The following CNTN5 variants were observed in gnomAD, a reference collection of about 807,000 sequenced individuals.
CNTN5 encodes the protein contactin 5.
A neutral mutation model predicts 129.1 loss-of-function variants in CNTN5; 77 were observed. The observed-to-expected ratio is 0.60, with a 90% confidence interval of 0.50 to 0.72. CNTN5 has a LOEUF of 0.72. CNTN5 is among the 30% of genes least tolerant of loss of function. CNTN5 has a pLI of 0.00. For synonymous variants in CNTN5, 509 were observed against 465.6 expected (o/e 1.09, Z -1.20); for missense variants, 1,478 against 1,328.8 (o/e 1.11, Z -1.75).
chr11:99,936,469 G>A (rs1254343759), intron 7 of CNTN5, among the ~76,000 whole-genome samples: 1 of 149,874 alleles, frequency 6.7e-6, no homozygotes. Flanking sequence ...AAAGGACACT[G>A]CCTGCTACGT....
intron 1 of CNTN5, among the ~76,000 whole-genome samples, chr11:99,263,608 A>C (rs551146397): frequency 1.3e-5 from 2 of 152,054 alleles, no homozygotes; most frequent in East Asian, 3.9e-4. Context: ...AGAAAGGAAA[A>C]ATTATTTTAT....
chr11:99,861,975 A>G (rs1052995589), intron 6 of CNTN5, among the ~76,000 whole-genome samples: 1 of 152,180 alleles, frequency 6.6e-6, no homozygotes, highest in Non-Finnish European at 1.5e-5. Flanking sequence ...CTGTAATTCA[A>G]ACTTTATTAT....
At chr11:99,121,353 G>C (rs1274965594) in intron 1 of CNTN5, among the ~76,000 whole-genome samples, 1 of 151,876 alleles carries the variant, frequency 6.6e-6, no homozygotes, top group Non-Finnish European at 1.5e-5. Context: ...TAGACTGGTC[G>C]AACTCCTGAC....
At chr11:99,439,350 C>G (rs1233817075) in intron 2 of CNTN5, among the ~76,000 whole-genome samples, 1 of 151,518 alleles carries the variant, frequency 6.6e-6, no homozygotes, top group Non-Finnish European at 1.5e-5. Context: ...GAAATATGCA[C>G]TGTGAATCTA....
intron 15 of CNTN5, among the ~76,000 whole-genome samples, chr11:100,219,578 C>G (rs1949218472): frequency 6.6e-6 from 1 of 152,144 alleles, no homozygotes. Context: ...TGTTTCTCCT[C>G]TTTAATCTAT....
At chr11:99,302,126 G>T (rs990477720) in intron 1 of CNTN5, among the ~76,000 whole-genome samples, 8 of 151,224 alleles carry the variant, frequency 5.3e-5, no homozygotes, top group African/African-American at 1.9e-4. Flanking sequence ...TATTAAAAAA[G>T]ATGAAAGATC....
intron 3 of CNTN5, among the ~76,000 whole-genome samples, chr11:99,611,330 G>A (rs1950587279): frequency 6.6e-6 from 1 of 152,110 alleles, no homozygotes; most frequent in Non-Finnish European, 1.5e-5. Flanking sequence ...AAACCCACCA[G>A]TATTTAGAGA....
At chr11:99,770,981 G>T (rs10790953) in intron 3 of CNTN5, among the ~76,000 whole-genome samples, 23,369 of 151,924 alleles carry the variant, frequency 0.15, 1,891 homozygotes, top group Non-Finnish European at 0.17. Flanking sequence ...GATCCCAGAG[G>T]TAAACTCATA....
chr11:100,111,005 C>CA (rs5794036), intron 13 of CNTN5, among the ~76,000 whole-genome samples: 29,962 of 147,074 alleles, frequency 0.2, 4,353 homozygotes, highest in African/African-American at 0.43. Context: ...AGTGTTAATG[C>CA]AAAAAAAAAA....
chr11:99,219,883 C>T (rs529614017), intron 1 of CNTN5, among the ~76,000 whole-genome samples: 2 of 151,996 alleles, frequency 1.3e-5, no homozygotes, highest in African/African-American at 4.8e-5. Context: ...CTTAATTTCT[C>T]ATCTCTGCCT....
At chr11:99,535,588 T>G (rs1200556509) in intron 2 of CNTN5, among the ~76,000 whole-genome samples, 1 of 152,150 alleles carries the variant, frequency 6.6e-6, no homozygotes, top group Non-Finnish European at 1.5e-5. Context: ...GAGAATGTCT[T>G]AAAAGCTCCT....
intron 3 of CNTN5, among the ~76,000 whole-genome samples, chr11:99,620,077 T>A: frequency 6.7e-6 from 1 of 149,576 alleles, no homozygotes; most frequent in Non-Finnish European, 1.5e-5. Flanking sequence ...CTCTAAGCAA[T>A]GTTAATCTAT....
chr11:99,685,442 A>G (rs1370269122), intron 3 of CNTN5, among the ~76,000 whole-genome samples: 1 of 151,874 alleles, frequency 6.6e-6, no homozygotes, highest in Non-Finnish European at 1.5e-5. Flanking sequence ...TGCTTCTTCC[A>G]TTAAGAGAGA....
intron 4 of CNTN5, among the ~76,000 whole-genome samples, chr11:99,843,254 A>T (rs1333450165): frequency 6.6e-6 from 1 of 152,198 alleles, no homozygotes. Flanking sequence ...CATCTAGGTT[A>T]TCTAGGATTC....
chr11:99,836,396 G>A (rs897870989), intron 4 of CNTN5, among the ~76,000 whole-genome samples: 4 of 150,168 alleles, frequency 2.7e-5, no homozygotes, highest in Non-Finnish European at 4.4e-5. Flanking sequence ...TGCGGTGTTT[G>A]GTTTTTTGTC....
chr11:99,172,809 G>A (rs1330374624), intron 1 of CNTN5, among the ~76,000 whole-genome samples: 1 of 152,158 alleles, frequency 6.6e-6, no homozygotes, highest in Non-Finnish European at 1.5e-5. Flanking sequence ...CTGTACACCA[G>A]TGAGAATTTG....
At chr11:99,434,612 A>G (rs1943529932) in intron 2 of CNTN5, among the ~76,000 whole-genome samples, 1 of 152,190 alleles carries the variant, frequency 6.6e-6, no homozygotes, top group South Asian at 2.1e-4. Flanking sequence ...CCAACGTAGG[A>G]CACAGCTTCT....
intron 1 of CNTN5, among the ~76,000 whole-genome samples, chr11:99,174,141 G>A (rs1857664236): frequency 1.3e-5 from 2 of 152,044 alleles, no homozygotes; most frequent in Non-Finnish European, 2.9e-5. Context: ...TTGGATTGCA[G>A]GTGCCTGCCA....
At chr11:99,840,907 G>C (rs1257282218) in intron 4 of CNTN5, among the ~76,000 whole-genome samples, 3 of 152,116 alleles carry the variant, frequency 2.0e-5, no homozygotes, top group African/African-American at 7.2e-5. Context: ...CACTGCTACA[G>C]CAGAATGAAT....
Sources: allele counts gnomAD v4.1 joint callset (sites outside exome capture counted in the v4.1 genomes callset), GRCh38; gene constraint gnomAD v4.1.1; transcripts MANE v1.5; gene names NCBI Gene and HGNC (gene_info 2026-07-23, HGNC 2026-07-21).